The following EAF2 variants were observed in gnomAD, a reference collection of about 807,000 sequenced individuals.
The protein encoded by EAF2 is ELL-associated factor 2.
In EAF2, 29 loss-of-function variants were observed where a neutral mutation model predicts 29.4. The observed-to-expected ratio is 0.99, with a 90% CI of 0.73 to 1.35. The LOEUF is 1.35. EAF2 is among the 40% of genes most tolerant of loss of function. EAF2 has a pLI of 0.00. For missense variants in EAF2, 292 were observed against 312.0 expected, an observed-to-expected ratio of 0.94 and a Z score of 0.48; for synonymous variants, 103 against 102.5, an observed-to-expected ratio of 1.00 and a Z score of -0.03.
intron 3 of EAF2, among the ~76,000 whole-genome samples, chr3:121,856,201 T>G (rs1337277694): frequency 6.6e-6 from 1 of 152,206 alleles, no homozygotes; most frequent in Non-Finnish European, 1.5e-5. Context: ...AGTGATTTAG[T>G]TTTAACAGAA....
At chr3:121,857,808 G>A (rs1708748074) in intron 4 of EAF2, among the ~76,000 whole-genome samples, 2 of 152,124 alleles carry the variant, frequency 1.3e-5, no homozygotes, top group South Asian at 4.1e-4. Context: ...ATCTCCGAAT[G>A]CTATCCCTCC....
chr3:121,872,455 A>T, intron 4 of EAF2, 82 bp from the exon 5 acceptor site: 3 of 1,137,972 alleles, frequency 2.6e-6, no homozygotes, highest in East Asian at 2.7e-5. Flanking sequence ...ACAGTTTCTT[A>T]AAAACTAATA....
At chr3:121,865,426 C>T (rs1708907030) in intron 4 of EAF2, among the ~76,000 whole-genome samples, 1 of 152,166 alleles carries the variant, frequency 6.6e-6, no homozygotes. Context: ...CCCTACTGTG[C>T]CACTGACTAC....
intron 4 of EAF2, among the ~76,000 whole-genome samples, chr3:121,858,406 T>G (rs1708762697): frequency 6.6e-6 from 1 of 152,260 alleles, no homozygotes; most frequent in South Asian, 2.1e-4. Flanking sequence ...GATTTGCATT[T>G]CTCTGATGAC....
chr3:121,879,974 G>A (rs1709165664), intron 5 of EAF2, among the ~76,000 whole-genome samples: 1 of 152,112 alleles, frequency 6.6e-6, no homozygotes, highest in African/African-American at 2.4e-5. Context: ...GCTTTTGGTA[G>A]TATTGTTATT....
intron 2 of EAF2, among the ~76,000 whole-genome samples, chr3:121,848,853 T>C (rs1440003349): frequency 6.8e-6 from 1 of 146,514 alleles, no homozygotes; most frequent in Non-Finnish European, 1.5e-5. Context: ...ATATTAACTT[T>C]TAAAAAATAA....
At chr3:121,870,852 A>G (rs1708999132) in intron 4 of EAF2, among the ~76,000 whole-genome samples, 1 of 152,144 alleles carries the variant, frequency 6.6e-6, no homozygotes, top group African/African-American at 2.4e-5. Context: ...AACTACAAGA[A>G]GATACCATTG....
chr3:121,835,300 G>C lies in EAF2; in HGVS notation c.15G>C (p.Ala5=). MNSA[A]GFSHLDRRER... ...GGAGAGTAATTATGAATAGCGCAGC[G>C]GGATTCTCACACCTAGACCGTCGCG... The change falls in exon 1 of 6, where the codon GCG becomes GCC. Residue 5 remains alanine, a synonymous_variant. Transcript: ENST00000273668. 6.2e-7 allele frequency: 1 copy of C among 1,614,208 alleles called. No homozygotes were observed. Among genetic ancestry groups the C allele is most frequent in the Non-Finnish European group, 8.5e-7 (1 of 1,180,024 alleles).
intron 1 of EAF2, among the ~76,000 whole-genome samples, chr3:121,841,525 A>G (rs1708429574): frequency 3.2e-5 from 1 of 31,504 alleles, no homozygotes; most frequent in Non-Finnish European, 6.7e-5. Context: ...AAAAAAAAAA[A>G]AAAAAAAAAA....
chr3:121,876,171 C>A (rs1424249409), intron 5 of EAF2, among the ~76,000 whole-genome samples: 2 of 151,790 alleles, frequency 1.3e-5, no homozygotes, highest in Non-Finnish European at 1.5e-5. Flanking sequence ...ACAGAGAAGA[C>A]AAACTACAAA....
chr3:121,883,813 C>G (rs7626052), intron 5 of EAF2, among the ~76,000 whole-genome samples: 128,893 of 152,258 alleles, frequency 0.85, 55,064 homozygotes, highest in East Asian at 0.92. Context: ...ATAATTACAG[C>G]TATGATTGAA....
intron 4 of EAF2, among the ~76,000 whole-genome samples, chr3:121,866,410 G>C (rs572213288): frequency 8.5e-5 from 13 of 152,222 alleles, no homozygotes; most frequent in African/African-American, 3.1e-4. Context: ...TAAAAACCAA[G>C]ATATCCAAGA....
rs575661576 is a variant in EAF2, at chr3:121,838,810, A to T, written c.106+3419A>T. Reference sequence around the variant, plus strand: ...TAATTTTCATCAGGTTTTCATAGGGATGGATTTATGATTGTCTCTCATCTC... The same window carrying T: ...TAATTTTCATCAGGTTTTCATAGGGTTGGATTTATGATTGTCTCTCATCTC... On this transcript the variant is annotated intron_variant, in intron 1 of 5. Coordinates refer to ENST00000273668, the MANE Select transcript of EAF2 (RefSeq NM_018456.6). Among the ~76,000 whole-genome samples, 56 of 152,266 alleles carry T rather than the reference A, an allele frequency of 3.7e-4. 1 individual carries two copies. The South Asian group carries it at 0.011, about 31-fold the overall frequency.
At chr3:121,871,838 T>C (rs1709020119) in intron 4 of EAF2, among the ~76,000 whole-genome samples, 1 of 151,990 alleles carries the variant, frequency 6.6e-6, no homozygotes, top group Non-Finnish European at 1.5e-5. Context: ...CATAAATAAC[T>C]GACAGCTTTT....
chr3:121,848,974 C>A (rs1332961190), intron 2 of EAF2, among the ~76,000 whole-genome samples: 1 of 152,080 alleles, frequency 6.6e-6, no homozygotes, highest in Non-Finnish European at 1.5e-5. Context: ...AGTCCTTGAA[C>A]AATCATGAAT....
At chr3:121,870,483 G>A (rs750647795) in intron 4 of EAF2, among the ~76,000 whole-genome samples, 7 of 152,080 alleles carry the variant, frequency 4.6e-5, no homozygotes, top group Non-Finnish European at 8.8e-5. Context: ...AGCAATGGGG[G>A]TTGGAGAATG....
In EAF2 at chr3:121,854,819, AC is replaced by A. The variant is rs776686168; in HGVS notation, c.335del (p.Thr112LysfsTer30). On this transcript the variant is annotated frameshift_variant, in exon 3 of 6. Coordinates refer to ENST00000273668, the MANE Select transcript of EAF2 (RefSeq NM_018456.6). LOFTEE classifies it high-confidence loss of function. ...KLSSNITVKK[T>X]RVEGSSKIQY... ...CAGCAGCAACATCACTGTAAAAAAA[AC>A]AAGGTATGTGGTTTAATGAAATAAA... The A allele has an allele frequency of 6.4e-7, 1 of 1,564,528 alleles. No individual in the cohort carries two copies. The highest frequency in any genetic ancestry group is 2.3e-5 in the East Asian group (1 of 42,762).
chr3:121,835,228 T>TGAGGTGGCAGATAGTGAGCG lies in EAF2; in HGVS notation c.-57_-38dup. On this transcript the variant is annotated 5_prime_UTR_variant, in exon 1 of 6. Coordinates refer to ENST00000273668, the MANE Select transcript of EAF2 (RefSeq NM_018456.6). The stretch of plus-strand genomic sequence containing the variant: ...GGGATCAAGTGCAGCTGCTTCAGGC[T>TGAGGTGGCAGATAGTGAGCG]GAGGTGGCAGATAGTGAGCGCTGGT... 2 of 1,535,208 alleles carry TGAGGTGGCAGATAGTGAGCG rather than the reference T, an allele frequency of 1.3e-6. No individual in the cohort carries two copies. Among genetic ancestry groups the TGAGGTGGCAGATAGTGAGCG allele is most frequent in the Non-Finnish European group, 1.8e-6 (2 of 1,108,642 alleles).
chr3:121,871,025 CTCTT>C (rs1394195923), intron 4 of EAF2, among the ~76,000 whole-genome samples: 1 of 151,980 alleles, frequency 6.6e-6, no homozygotes, highest in Non-Finnish European at 1.5e-5. Flanking sequence ...GGCAATTTCT[CTCTT>C]TCTACCTAAG....
Sources: allele counts gnomAD v4.1 joint callset (sites outside exome capture counted in the v4.1 genomes callset), GRCh38; gene constraint gnomAD v4.1.1; transcripts MANE v1.5; gene names NCBI Gene and HGNC (gene_info 2026-07-23, HGNC 2026-07-21).